Variants in RNF24 observed in about 807,000 individuals in gnomAD.
The protein encoded by RNF24 is ring finger protein 24.
RNF24 carries 14 observed loss-of-function variants against 20.0 expected under a neutral mutation model. That is an observed-to-expected ratio of 0.70 (90% CI 0.46 to 1.10). The LOEUF (loss-of-function observed/expected upper bound fraction) is 1.10, where lower values mean the gene tolerates loss of function less well. Among genes scored for constraint, RNF24 ranks in the 50% least tolerant of loss-of-function variants. The probability of loss-of-function intolerance (pLI) is 0.00; values close to 1 mark genes in which losing one functional copy is unlikely to be tolerated. For missense variants in RNF24, 124 were observed against 177.6 expected, an observed-to-expected ratio of 0.70 and a Z score of 1.71; for synonymous variants, 45 against 61.1, an observed-to-expected ratio of 0.74 and a Z score of 1.23.
At chr20:4,001,731 T>C (rs895663773) in intron 1 of RNF24, among the ~76,000 whole-genome samples, 5 of 149,872 alleles carry the variant, frequency 3.3e-5, no homozygotes, top group African/African-American at 1.2e-4. Flanking sequence ...AACCTAGGAG[T>C]TCAAGACCAG....
chr20:4,012,310 G>A (rs952291594), intron 1 of RNF24, among the ~76,000 whole-genome samples: 2 of 151,704 alleles, frequency 1.3e-5, no homozygotes, highest in African/African-American at 2.4e-5. Context: ...CCAGCTATTC[G>A]GGAAGCTGAG....
At chr20:3,969,152 G>A (rs1471327602) in intron 1 of RNF24, among the ~76,000 whole-genome samples, 2 of 152,092 alleles carry the variant, frequency 1.3e-5, no homozygotes, top group Non-Finnish European at 2.9e-5. Flanking sequence ...AGCACTTAAA[G>A]CACTTAGAAC....
intron 4 of RNF24, among the ~76,000 whole-genome samples, chr20:3,942,910 G>A (rs1329991959): frequency 1.3e-5 from 2 of 151,784 alleles, no homozygotes; most frequent in Non-Finnish European, 2.9e-5. Context: ...TCTGCCTCCA[G>A]GTTCAAGTGA....
chr20:3,982,348 C>T (rs112885328), intron 1 of RNF24, among the ~76,000 whole-genome samples: 17,570 of 146,484 alleles, frequency 0.12, 1,371 homozygotes, highest in Non-Finnish European at 0.18. Flanking sequence ...GAGGCCGAGG[C>T]GGGCAGATCA....
chr20:4,012,769 C>T (rs1250201476), intron 1 of RNF24, among the ~76,000 whole-genome samples: 3 of 152,076 alleles, frequency 2.0e-5, no homozygotes, highest in Admixed American at 2.0e-4. Flanking sequence ...TGTTTAGGTT[C>T]CTTTGTTGAT....
Position 3,933,858 on chromosome 20 carries a change from C to T in RNF24, c.*205G>A, listed in dbSNP as rs1042934687. ...GCAGGCTCATCCACTCCTCTTCTCT[C>T]GGCAGGGGGTAGTGTCAAAGTGCTT... On this transcript the variant is annotated 3_prime_UTR_variant, in exon 6 of 6. Coordinates refer to ENST00000358395, the MANE Select transcript of RNF24 (RefSeq NM_001134337.3). The T allele has an allele frequency of 8.2e-5, 33 of 400,302 alleles. No individual in the cohort carries two copies. The highest frequency in any genetic ancestry group is 6.2e-4 in the African/African-American group (30 of 48,524). 24.8% of individuals were successfully genotyped at this position (400,302 alleles called of 1,614,324 possible).
intron 2 of RNF24, among the ~76,000 whole-genome samples, chr20:3,959,700 A>AT (rs1224646358): frequency 2.0e-5 from 3 of 152,050 alleles, no homozygotes; most frequent in East Asian, 1.9e-4. Flanking sequence ...GAGATAACCC[A>AT]TTTTTTCCCC....
At chr20:4,010,236 G>A (rs1454019478) in intron 1 of RNF24, among the ~76,000 whole-genome samples, 1 of 152,068 alleles carries the variant, frequency 6.6e-6, no homozygotes, top group Non-Finnish European at 1.5e-5. Context: ...AGCTGGACAT[G>A]GTGGCGCACG....
At chr20:3,995,591 G>A in intron 1 of RNF24, among the ~76,000 whole-genome samples, 1 of 152,176 alleles carries the variant, frequency 6.6e-6, no homozygotes, top group East Asian at 1.9e-4. Context: ...AATCAGCAAA[G>A]TGTGCAGGCT....
chr20:3,997,675 T>A (rs1344373610), intron 1 of RNF24, among the ~76,000 whole-genome samples: 21 of 152,154 alleles, frequency 1.4e-4, no homozygotes, highest in Admixed American at 1.4e-3. Flanking sequence ...ATCTTCCTGC[T>A]TTGGCATCCC....
intron 4 of RNF24, among the ~76,000 whole-genome samples, chr20:3,942,818 G>GTTT (rs375685386): frequency 2.2e-5 from 3 of 138,720 alleles, no homozygotes; most frequent in African/African-American, 2.6e-5. Context: ...GATGAAGACA[G>GTTT]TTTTTTTTTT....
rs1293092576 is a variant in RNF24, at chr20:3,932,634, G to A, written c.*1429C>T. On this transcript the variant is annotated 3_prime_UTR_variant, in exon 6 of 6. Coordinates refer to ENST00000358395, the MANE Select transcript of RNF24 (RefSeq NM_001134337.3). ...TCCCTCCATCCATTCTCCATGTCAC[G>A]CAGACTGTATTCCTAATGAAAAACT... The A allele has an allele frequency of 3.6e-5, 11 of 303,032 alleles. No homozygotes were observed. The highest frequency in any genetic ancestry group is 1.9e-4 in the African/African-American group (9 of 46,622). 18.8% of individuals were successfully genotyped at this position (303,032 alleles called of 1,614,324 possible). A position where few individuals can be genotyped will look rare whatever the true frequency, so the allele number is the denominator to read the frequency against.
At chr20:3,937,296 G>A (rs978970312) in intron 4 of RNF24, among the ~76,000 whole-genome samples, 3 of 152,140 alleles carry the variant, frequency 2.0e-5, no homozygotes, top group African/African-American at 4.8e-5. Context: ...AAAAGCCTCA[G>A]ATGACTTCCT....
chr20:4,004,337 T>C (rs768520640), intron 1 of RNF24, among the ~76,000 whole-genome samples: 2 of 152,198 alleles, frequency 1.3e-5, no homozygotes, highest in Non-Finnish European at 2.9e-5. Context: ...TGCTGAATAC[T>C]TGTCTAATCT....
intron 2 of RNF24, among the ~76,000 whole-genome samples, chr20:3,954,509 G>A (rs73086515): frequency 3.9e-5 from 6 of 152,074 alleles, no homozygotes; most frequent in Non-Finnish European, 7.4e-5. Context: ...ATACCTTTTG[G>A]CTATTATGAA....
At chr20:3,974,879 A>T (rs1002565256) in intron 1 of RNF24, among the ~76,000 whole-genome samples, 2 of 150,046 alleles carry the variant, frequency 1.3e-5, no homozygotes, top group African/African-American at 4.9e-5. Flanking sequence ...ATCCCAGCAA[A>T]TTTTTTTTTT....
chr20:3,952,586 T>C (rs2091093854), intron 2 of RNF24, among the ~76,000 whole-genome samples: 1 of 150,998 alleles, frequency 6.6e-6, no homozygotes, highest in Non-Finnish European at 1.5e-5. Context: ...TTTCCCGTTT[T>C]TTTTTTTTTG....
intron 1 of RNF24, among the ~76,000 whole-genome samples, chr20:3,995,651 C>T (rs533524246): frequency 6.6e-6 from 1 of 152,280 alleles, no homozygotes; most frequent in African/African-American, 2.4e-5. Context: ...CTAAAAATTA[C>T]AGTCCTAAGC....
chr20:3,948,488 C>T (rs1424504104), intron 2 of RNF24, among the ~76,000 whole-genome samples: 2 of 151,960 alleles, frequency 1.3e-5, no homozygotes, highest in Admixed American at 6.6e-5. Flanking sequence ...GTTACCCAAA[C>T]GTAAGATGAC....
Sources: allele counts gnomAD v4.1 joint callset (sites outside exome capture counted in the v4.1 genomes callset), GRCh38; gene constraint gnomAD v4.1.1; transcripts MANE v1.5; gene names NCBI Gene and HGNC (gene_info 2026-07-23, HGNC 2026-07-21).